Variants in UGT1A7 observed in about 807,000 individuals in gnomAD.
The protein encoded by UGT1A7 is UDP glucuronosyltransferase family 1 member A7, also known as UDP-glucuronosyltransferase 1A7.
Under a neutral mutation model 45.6 loss-of-function variants are expected in UGT1A7, and 33 were observed. The observed-to-expected ratio is 0.72, with a 90% CI of 0.55 to 0.97. UGT1A7 has a LOEUF of 0.97. Among genes scored for constraint, UGT1A7 ranks in the 50% least tolerant of loss-of-function variants. UGT1A7 has a pLI of 0.00. For synonymous variants in UGT1A7, 274 were observed against 250.6 expected (o/e 1.09, Z -0.88); for missense variants, 684 against 666.2 (o/e 1.03, Z -0.29).
chr2:233,723,771 G>A (rs1183544101), intron 1 of UGT1A7, among the ~76,000 whole-genome samples: 1 of 58,926 alleles, frequency 1.7e-5, no homozygotes, highest in Non-Finnish European at 2.9e-5. Flanking sequence ...GTTTAACAAA[G>A]CACATCTTGC....
intron 1 of UGT1A7, among the ~76,000 whole-genome samples, chr2:233,702,741 C>T (rs1443412065): frequency 2.0e-5 from 3 of 152,054 alleles, no homozygotes; most frequent in Non-Finnish European, 4.4e-5. Flanking sequence ...TCTTTTTGGT[C>T]CCCTATTCTA....
intron 1 of UGT1A7, chr2:233,754,665 A>AT (rs752229414): frequency 4.5e-5 from 21 of 465,290 alleles, no homozygotes; most frequent in South Asian, 1.9e-4. Flanking sequence ...CTTGGTGGTG[A>AT]TTTTTTTACC....
Position 233,769,854 on chromosome 2 carries a change from T to C in UGT1A7, c.1295+1415T>C. 2.3e-6 allele frequency: 1 copy of C among 426,358 alleles called. No homozygotes were observed. The highest frequency in any genetic ancestry group is 3.7e-6 in the Non-Finnish European group (1 of 266,722). 26.4% of individuals were successfully genotyped at this position (426,358 alleles called of 1,614,324 possible). On this transcript the variant is annotated intron_variant, in intron 4 of 4. Transcript: ENST00000373426. The surrounding 1 kb of genome is among the most constrained non-coding windows in gnomAD (Gnocchi z 4.4). ...ACCTGGGCAACAGAGTGAGACCCTGTCTCAAAAAAAAAAAAAAAAATGAAA... is the reference window on the plus strand; with the variant it reads ...ACCTGGGCAACAGAGTGAGACCCTGCCTCAAAAAAAAAAAAAAAAATGAAA...
chr2:233,749,588 C>G (rs932170958), intron 1 of UGT1A7, among the ~76,000 whole-genome samples: 1 of 151,804 alleles, frequency 6.6e-6, no homozygotes, highest in African/African-American at 2.4e-5. Context: ...TCTGTCTCAA[C>G]ATGAAGTCAC....
chr2:233,755,207 C>T, intron 1 of UGT1A7: 1 of 1,062,486 alleles, frequency 9.4e-7, no homozygotes, highest in South Asian at 1.2e-5. Flanking sequence ...TGCGGTACGC[C>T]TTCTTGATAC....
In UGT1A7 at chr2:233,682,799, T is replaced by C. The variant is rs749393372; in HGVS notation, c.855+7T>C. 9 of 1,609,704 alleles carry C rather than the reference T, an allele frequency of 5.6e-6. No homozygotes were observed. The highest frequency in any genetic ancestry group is 3.3e-4 in the Middle Eastern group (2 of 6,048). On this transcript the variant is annotated splice_region_variant and intron_variant, in intron 1 of 4. Coordinates refer to ENST00000373426, the MANE Select transcript of UGT1A7 (RefSeq NM_019077.3). ...GGGAAAGCCAGTGCCTATGGTAAGTTATCTCCCCTTTAGCACATTAAGAAT... is the reference window on the plus strand; with the variant it reads ...GGGAAAGCCAGTGCCTATGGTAAGTCATCTCCCCTTTAGCACATTAAGAAT...
At chr2:233,683,946 G>A (rs2074657206) in intron 1 of UGT1A7, among the ~76,000 whole-genome samples, 1 of 152,126 alleles carries the variant, frequency 6.6e-6, no homozygotes, top group South Asian at 2.1e-4. Context: ...TGTTGGTCTA[G>A]CCAGCTTAAA....
chr2:233,756,388 A>G (rs1696196627), intron 1 of UGT1A7: 1 of 152,140 alleles, frequency 6.6e-6, no homozygotes, highest in Admixed American at 6.5e-5. Flanking sequence ...TAGTTGTTTT[A>G]CAGTATTGGT....
chr2:233,751,986 T>A (rs1694863386), intron 1 of UGT1A7, among the ~76,000 whole-genome samples: 1 of 152,156 alleles, frequency 6.6e-6, no homozygotes, highest in South Asian at 2.1e-4. Context: ...TGAATCTGCA[T>A]TTATTGAGAA....
At chr2:233,688,019 T>A (rs2074875206) in intron 1 of UGT1A7, among the ~76,000 whole-genome samples, 1 of 152,220 alleles carries the variant, frequency 6.6e-6, no homozygotes, top group African/African-American at 2.4e-5. Context: ...CAATCAACCA[T>A]CACCAATATC....
intron 1 of UGT1A7, chr2:233,713,716 A>T (rs771701943): frequency 1.9e-6 from 3 of 1,613,702 alleles, no homozygotes; most frequent in Non-Finnish European, 2.5e-6. Flanking sequence ...TTTCAGAGAG[A>T]GGTGTCAGTG....
chr2:233,696,423 T>G (rs1466481470), intron 1 of UGT1A7, among the ~76,000 whole-genome samples: 1 of 152,216 alleles, frequency 6.6e-6, no homozygotes, highest in African/African-American at 2.4e-5. Flanking sequence ...CCTTTTCAGT[T>G]TTTTCTCTGT....
rs537699607 is a variant in UGT1A7, at chr2:233,703,598, C to T, written c.855+20806C>T. On this transcript the variant is annotated intron_variant, in intron 1 of 4. Coordinates refer to ENST00000373426, the MANE Select transcript of UGT1A7 (RefSeq NM_019077.3). ...GTCTATATTATCTTGCTTCATGATA[C>T]TGTGTCATTAAAAAAGTCTATTTTA... is the stretch of plus-strand genomic sequence containing the variant. Among the ~76,000 whole-genome samples the T allele has an allele frequency of 5.3e-5, 8 of 152,226 alleles. No individual in the cohort carries two copies. The East Asian group carries it at 1.5e-3, about 29-fold the overall frequency.
chr2:233,683,625 C>T (rs1285866953), intron 1 of UGT1A7, among the ~76,000 whole-genome samples: 1 of 152,056 alleles, frequency 6.6e-6, no homozygotes, highest in Non-Finnish European at 1.5e-5. Flanking sequence ...TGTTTTATTT[C>T]CATAAATAAA....
At chr2:233,755,407 G>A (rs1260827425) in intron 1 of UGT1A7, 10 of 333,228 alleles carry the variant, frequency 3.0e-5, no homozygotes, top group Non-Finnish European at 4.1e-5. Context: ...CTCATTGGCC[G>A]AGGCCTGTGA....
intron 1 of UGT1A7, among the ~76,000 whole-genome samples, chr2:233,750,128 G>A (rs1357269719): frequency 6.6e-6 from 1 of 151,932 alleles, no homozygotes; most frequent in Non-Finnish European, 1.5e-5. Flanking sequence ...ATGTGGGAAA[G>A]TTTGGAACTT....
At chr2:233,765,064 G>A (rs1050662538) in intron 1 of UGT1A7, among the ~76,000 whole-genome samples, 2 of 152,202 alleles carry the variant, frequency 1.3e-5, no homozygotes, top group Admixed American at 1.3e-4. Flanking sequence ...CCTGTCAGAG[G>A]TCTCCTGTGT....
At chr2:233,726,769 C>T (rs751538762) in intron 1 of UGT1A7, among the ~76,000 whole-genome samples, 7 of 152,200 alleles carry the variant, frequency 4.6e-5, no homozygotes, top group Non-Finnish European at 8.8e-5. Context: ...AGACACTAAG[C>T]TTAAAGTGAA....
At chr2:233,711,610 G>C (rs1267799055) in intron 1 of UGT1A7, among the ~76,000 whole-genome samples, 1 of 152,160 alleles carries the variant, frequency 6.6e-6, no homozygotes, top group Non-Finnish European at 1.5e-5. Flanking sequence ...GCGCCCTCTG[G>C]TGGACAGCTC....
Sources: gnomAD v4.1 joint callset for allele counts (sites outside exome capture counted in the v4.1 genomes callset) on GRCh38, gnomAD v4.1.1 for gene constraint, Gnocchi (gnomAD v3.1) non-coding constraint, MANE v1.5 for transcripts, NCBI Gene and HGNC (gene_info 2026-07-23, HGNC 2026-07-21) for gene names.